The following TOX variants were observed in gnomAD, a reference collection of about 807,000 sequenced individuals.
The protein encoded by TOX is thymocyte selection-associated high mobility group box protein TOX.
TOX carries 11 observed loss-of-function variants against 53.7 expected under a neutral mutation model. The observed-to-expected ratio is 0.20, with a 90% CI of 0.13 to 0.34. The LOEUF (loss-of-function observed/expected upper bound fraction) is 0.34. Ranked by LOEUF, TOX falls within the 10% of genes least tolerant of loss-of-function variation. The probability of loss-of-function intolerance (pLI) is 1.00; values close to 1 mark genes in which losing one functional copy is unlikely to be tolerated. For synonymous variants in TOX, 225 were observed against 245.3 expected (o/e 0.92, Z 0.77); for missense variants, 570 against 664.6 (o/e 0.86, Z 1.56).
chr8:59,045,600 G>A (rs922754785), intron 1 of TOX, among the ~76,000 whole-genome samples: 3 of 151,904 alleles, frequency 2.0e-5, no homozygotes, highest in Admixed American at 6.6e-5. Context: ...GAGCATTTTC[G>A]GCCCCTCAAA....
chr8:58,892,764 T>C (rs1811578006), intron 3 of TOX, among the ~76,000 whole-genome samples: 1 of 152,184 alleles, frequency 6.6e-6, no homozygotes, highest in Non-Finnish European at 1.5e-5. Flanking sequence ...AATCAGCACC[T>C]CACTATTTCT....
chr8:58,884,785 A>G (rs973188127), intron 3 of TOX, among the ~76,000 whole-genome samples: 1 of 152,118 alleles, frequency 6.6e-6, no homozygotes, highest in Non-Finnish European at 1.5e-5. Context: ...CCCTTGCTTA[A>G]ATTTCTTTTA....
chr8:59,033,932 C>CAAGA (rs1814408577), intron 1 of TOX, among the ~76,000 whole-genome samples: 1 of 152,166 alleles, frequency 6.6e-6, no homozygotes, highest in Non-Finnish European at 1.5e-5. Context: ...CTGCTCCTGC[C>CAAGA]CTTTCAGACT....
intron 1 of TOX, among the ~76,000 whole-genome samples, chr8:58,981,051 T>C (rs1264176372): frequency 6.6e-6 from 1 of 152,366 alleles, no homozygotes; most frequent in East Asian, 1.9e-4. Flanking sequence ...TTGCAGATCT[T>C]TTCCAAATTA....
intron 7 of TOX, 138 bp downstream of exon 7, chr8:58,815,200 T>C: frequency 8.6e-7 from 1 of 1,157,262 alleles, no homozygotes; most frequent in Admixed American, 3.2e-5. Flanking sequence ...TTGAATATCT[T>C]TAGTGCTCTC....
chr8:59,057,470 G>A (rs1233721147), intron 1 of TOX, among the ~76,000 whole-genome samples: 1 of 152,238 alleles, frequency 6.6e-6, no homozygotes, highest in East Asian at 1.9e-4. Flanking sequence ...GAAACAATAA[G>A]TATTAGTTCC....
At chr8:58,926,140 T>C (rs780254382) in intron 3 of TOX, among the ~76,000 whole-genome samples, 7 of 152,210 alleles carry the variant, frequency 4.6e-5, no homozygotes, top group Non-Finnish European at 8.8e-5. Flanking sequence ...TATCAAAGTA[T>C]GACTTTTGCC....
chr8:58,931,636 G>A (rs1327365301), intron 3 of TOX, among the ~76,000 whole-genome samples: 3 of 152,110 alleles, frequency 2.0e-5, no homozygotes. Flanking sequence ...GCACAAACAG[G>A]CTACCAAGGA....
chr8:59,102,841 T>C (rs1804830172), intron 1 of TOX, among the ~76,000 whole-genome samples: 3 of 152,158 alleles, frequency 2.0e-5, no homozygotes, highest in Admixed American at 1.3e-4. Context: ...CCATGCCTCA[T>C]GCCATTTATT....
intron 3 of TOX, among the ~76,000 whole-genome samples, chr8:58,891,808 G>A (rs1330620025): frequency 6.6e-6 from 1 of 152,156 alleles, no homozygotes; most frequent in Admixed American, 6.5e-5. Flanking sequence ...ATTCATCCTA[G>A]ATGCAGTGTA....
At chr8:58,865,418 C>G (rs377389052) in intron 3 of TOX, among the ~76,000 whole-genome samples, 1 of 151,776 alleles carries the variant, frequency 6.6e-6, no homozygotes, top group Non-Finnish European at 1.5e-5. Flanking sequence ...TTGGTATCCT[C>G]GTACTTTTTT....
At chr8:59,034,888 C>T (rs1300406897) in intron 1 of TOX, among the ~76,000 whole-genome samples, 1 of 152,206 alleles carries the variant, frequency 6.6e-6, no homozygotes, top group Non-Finnish European at 1.5e-5. Context: ...GTATCATCCC[C>T]ATTTTATAAG....
chr8:59,040,620 C>T (rs1803562957), intron 1 of TOX, among the ~76,000 whole-genome samples: 1 of 152,216 alleles, frequency 6.6e-6, no homozygotes, highest in African/African-American at 2.4e-5. Context: ...AACCTCATGC[C>T]CTAGCCAACT....
At chr8:59,107,408 C>G (rs903090569) in intron 1 of TOX, among the ~76,000 whole-genome samples, 1 of 152,080 alleles carries the variant, frequency 6.6e-6, no homozygotes, top group African/African-American at 2.4e-5. Flanking sequence ...AAAAACAGGA[C>G]CCAGTAAAAT....
intron 4 of TOX, among the ~76,000 whole-genome samples, chr8:58,847,935 A>C (rs944516366): frequency 3.3e-5 from 5 of 152,174 alleles, no homozygotes; most frequent in African/African-American, 9.6e-5. Context: ...TGTTCCCTGC[A>C]GACCTTCATG....
chr8:58,812,214 TGATAATGTGGAGGGGTG>T (rs1810091665), intron 7 of TOX, among the ~76,000 whole-genome samples: 1 of 152,140 alleles, frequency 6.6e-6, no homozygotes, highest in Admixed American at 6.5e-5. Context: ...ATAAATGAAG[TGATAATGTGGAGGGGTG>T]GTGGACTCCC....
chr8:58,981,766 TG>T (rs946497216), intron 1 of TOX, among the ~76,000 whole-genome samples: 4 of 152,168 alleles, frequency 2.6e-5, no homozygotes, highest in African/African-American at 9.7e-5. Context: ...TCCAAATTTT[TG>T]TTGGAAACTG....
chr8:58,878,835 C>A (rs915048011), intron 3 of TOX, among the ~76,000 whole-genome samples: 1 of 151,832 alleles, frequency 6.6e-6, no homozygotes, highest in Non-Finnish European at 1.5e-5. Flanking sequence ...CTGAGGCGGG[C>A]GGATCACCTG....
chr8:58,923,448 G>A (rs1812105253), intron 3 of TOX, among the ~76,000 whole-genome samples: 1 of 152,156 alleles, frequency 6.6e-6, no homozygotes, highest in African/African-American at 2.4e-5. Flanking sequence ...GCATCTGGGA[G>A]GGACAATGGT....
Sources: allele counts gnomAD v4.1 joint callset (sites outside exome capture counted in the v4.1 genomes callset), GRCh38; gene constraint gnomAD v4.1.1; transcripts MANE v1.5; gene names NCBI Gene and HGNC (gene_info 2026-07-23, HGNC 2026-07-21).